Variants in MAPK4 observed in about 807,000 individuals in gnomAD.
MAPK4 encodes Erk3-related.
MAPK4 carries 22 observed loss-of-function variants against 47.7 expected under a neutral mutation model. The observed-to-expected ratio is 0.46, with a 90% CI of 0.33 to 0.66. The LOEUF (loss-of-function observed/expected upper bound fraction) is 0.66, where lower values mean the gene tolerates loss of function less well. Among genes scored for constraint, MAPK4 ranks in the 30% least tolerant of loss-of-function variants. The pLI is 0.02. For missense variants in MAPK4, 736 were observed against 831.7 expected, an observed-to-expected ratio of 0.88 and a Z score of 1.42; for synonymous variants, 390 against 365.7, an observed-to-expected ratio of 1.07 and a Z score of -0.76.
At chr18:50,562,502 C>T (rs943268436) in intron 1 of MAPK4, among the ~76,000 whole-genome samples, 3 of 151,796 alleles carry the variant, frequency 2.0e-5, no homozygotes, top group Non-Finnish European at 2.9e-5. Context: ...ACAGGGCCAG[C>T]TGAACCTTCC....
intron 2 of MAPK4, chr18:50,705,400 CTG>C (rs1909995512): frequency 6.6e-6 from 1 of 152,272 alleles, no homozygotes; most frequent in African/African-American, 2.4e-5. Flanking sequence ...GTCCAGGAGG[CTG>C]TGTGAACACA....
At chr18:50,690,284 C>T (rs867752348) in intron 2 of MAPK4, among the ~76,000 whole-genome samples, 7 of 152,344 alleles carry the variant, frequency 4.6e-5, no homozygotes, top group South Asian at 4.1e-4. Context: ...TAATGTGATA[C>T]GTTCAGGTTG....
intron 1 of MAPK4, among the ~76,000 whole-genome samples, chr18:50,574,164 A>T (rs2042274742): frequency 6.6e-6 from 1 of 152,166 alleles, no homozygotes; most frequent in East Asian, 1.9e-4. Flanking sequence ...CTTGAATCAT[A>T]GTTAGATGAT....
intron 4 of MAPK4, among the ~76,000 whole-genome samples, chr18:50,724,186 A>AT (rs1251394250): frequency 6.6e-6 from 1 of 151,864 alleles, no homozygotes; most frequent in Non-Finnish European, 1.5e-5. Context: ...TAATTTTAAA[A>AT]TTTTTTTTGT....
At chr18:50,568,264 C>T (rs1423759375) in intron 1 of MAPK4, among the ~76,000 whole-genome samples, 2 of 151,824 alleles carry the variant, frequency 1.3e-5, no homozygotes, top group African/African-American at 2.4e-5. Flanking sequence ...ATTCCAACAT[C>T]TTCAGTTCCA....
intron 2 of MAPK4, among the ~76,000 whole-genome samples, chr18:50,684,509 A>G (rs1412285389): frequency 6.6e-6 from 1 of 151,560 alleles, no homozygotes; most frequent in African/African-American, 2.4e-5. Flanking sequence ...TCAAGCCACT[A>G]TACTCCAGCC....
chr18:50,675,212 C>G (rs1349210955), intron 2 of MAPK4, among the ~76,000 whole-genome samples: 1 of 152,212 alleles, frequency 6.6e-6, no homozygotes, highest in Non-Finnish European at 1.5e-5. Flanking sequence ...AGACTGTGCT[C>G]TCAGCCACTG....
intron 1 of MAPK4, among the ~76,000 whole-genome samples, chr18:50,585,199 C>T (rs753453261): frequency 2.9e-4 from 44 of 152,324 alleles, no homozygotes; most frequent in Admixed American, 1.0e-3. Context: ...ATGTGGTCCA[C>T]GGGCCAGCTG....
At chr18:50,649,231 G>A (rs2043022989) in intron 1 of MAPK4, among the ~76,000 whole-genome samples, 1 of 152,162 alleles carries the variant, frequency 6.6e-6, no homozygotes, top group Admixed American at 6.5e-5. Flanking sequence ...CCCTTGAGGT[G>A]TCCTCAGACT....
At chr18:50,616,819 T>C (rs1226707933) in intron 1 of MAPK4, among the ~76,000 whole-genome samples, 1 of 152,214 alleles carries the variant, frequency 6.6e-6, no homozygotes, top group Non-Finnish European at 1.5e-5. Flanking sequence ...TGTCAGCTGA[T>C]TAGATGGTGC....
intron 1 of MAPK4, among the ~76,000 whole-genome samples, chr18:50,583,793 C>G (rs969618514): frequency 6.6e-6 from 1 of 152,166 alleles, no homozygotes; most frequent in Non-Finnish European, 1.5e-5. Flanking sequence ...TATCAATTCT[C>G]CCTTCTCTTC....
rs750055090 is a variant in MAPK4 at position 50,672,734 on chromosome 18, C to T, written c.546+8230C>T. ...AAGGAAGCCAGCCAGGGTCCTGAAG[C>T]AGGGTCCTAGAGGCGTCCTGCTTGC... On this transcript the variant is annotated intron_variant, in intron 2 of 5. Transcript: ENST00000400384. Among the ~76,000 whole-genome samples the T allele has an allele frequency of 7.9e-5, 12 of 152,184 alleles. 1 individual carries two copies. The highest frequency in any genetic ancestry group is 5.2e-4 in the Admixed American group (8 of 15,284).
intron 1 of MAPK4, among the ~76,000 whole-genome samples, chr18:50,571,670 C>A (rs1476974794): frequency 2.6e-5 from 4 of 152,128 alleles, no homozygotes; most frequent in East Asian, 1.9e-4. Flanking sequence ...TTCTGTATTT[C>A]TTTTGTCAAA....
chr18:50,610,894 G>A (rs2042627409), intron 1 of MAPK4, among the ~76,000 whole-genome samples: 1 of 152,092 alleles, frequency 6.6e-6, no homozygotes, highest in African/African-American at 2.4e-5. Flanking sequence ...CCCAGTAATT[G>A]TCTAGTGCAA....
Position 50,729,861 on chromosome 18 carries a change from A to T in MAPK4, c.*7A>T, listed in dbSNP as rs1314838464. 2 of 1,601,842 alleles carry T rather than the reference A, an allele frequency of 1.2e-6. No homozygotes were observed. Among genetic ancestry groups the T allele is most frequent in the Admixed American group, 3.4e-5 (2 of 59,398 alleles). ...CTCCAAAGAAAGGTGGTGAGGGCGG[A>T]GGGGCCGCTCCAGGCCCCACAGAGC... On this transcript the variant is annotated 3_prime_UTR_variant, in exon 6 of 6. Coordinates refer to ENST00000400384, the MANE Select transcript of MAPK4 (RefSeq NM_002747.4).
At chr18:50,703,792 C>T (rs189323611) in intron 2 of MAPK4, among the ~76,000 whole-genome samples, 6 of 152,328 alleles carry the variant, frequency 3.9e-5, no homozygotes, top group Admixed American at 3.9e-4. Context: ...TTGTTGCCAG[C>T]CTGTCCCAAG....
intron 1 of MAPK4, among the ~76,000 whole-genome samples, chr18:50,564,209 AG>A (rs36038946): frequency 0.15 from 22,314 of 152,184 alleles, 1,766 homozygotes; most frequent in South Asian, 0.25. Context: ...CAAAGTTTAA[AG>A]CTTTATCGTT....
chr18:50,727,283 C>T (rs554373600), intron 5 of MAPK4, among the ~76,000 whole-genome samples: 6 of 152,264 alleles, frequency 3.9e-5, no homozygotes, highest in South Asian at 2.1e-4. Context: ...GCTAGGACTC[C>T]GAGGGGGCCT....
Position 50,729,223 on chromosome 18 carries a change from TA to T in MAPK4, c.1134del (p.Gln379SerfsTer31). ...RPDRCQDASE[V>X]QRDPRAGSAP... Reference sequence around the variant, plus strand: ...GACCGGTGCCAGGACGCCAGCGAGGTACAGCGCGACCCGCGCGCGGGTTCGG... The same window carrying T: ...GACCGGTGCCAGGACGCCAGCGAGGTCAGCGCGACCCGCGCGCGGGTTCGG... On this transcript the variant is annotated frameshift_variant, in exon 6 of 6. Coordinates refer to ENST00000400384, the MANE Select transcript of MAPK4 (RefSeq NM_002747.4). LOFTEE classifies it high-confidence loss of function. 1 of 1,606,542 alleles carries T rather than the reference TA, an allele frequency of 6.2e-7. No individual in the cohort carries two copies. Among genetic ancestry groups the T allele is most frequent in the Non-Finnish European group, 8.5e-7 (1 of 1,175,018 alleles).
Sources: allele counts gnomAD v4.1 joint callset (sites outside exome capture counted in the v4.1 genomes callset), GRCh38; gene constraint gnomAD v4.1.1; transcripts MANE v1.5; gene names NCBI Gene and HGNC (gene_info 2026-07-23, HGNC 2026-07-21).